HSD3B2: variants seen among roughly 807,000 people sequenced by gnomAD.
HSD3B2 encodes the protein hydroxy-delta-5-steroid dehydrogenase, 3 beta- and steroid delta-isomerase 2.
In HSD3B2, 8 loss-of-function variants were observed where a neutral mutation model predicts 9.9. The observed-to-expected ratio is 0.81, with a 90% CI of 0.47 to 1.46. The LOEUF is 1.46. HSD3B2 is among the 40% of genes most tolerant of loss of function. HSD3B2 has a pLI of 0.00. For synonymous variants in HSD3B2, 221 were observed against 184.5 expected, an observed-to-expected ratio of 1.20 and a Z score of -1.60; for missense variants, 410 against 448.3, an observed-to-expected ratio of 0.91 and a Z score of 0.77.
intron 2 of HSD3B2, 80 bp from the exon 3 acceptor site, chr1:119,419,338 C>T (rs899412050): frequency 6.7e-6 from 9 of 1,342,876 alleles, no homozygotes; most frequent in Middle Eastern, 1.8e-4. Context: ...CTTTGAGCAC[C>T]TATGTAACAT....
chr1:119,421,451 AT>A (rs1651865085), intron 3 of HSD3B2, among the ~76,000 whole-genome samples: 1 of 10,898 alleles, frequency 9.2e-5, no homozygotes, highest in African/African-American at 4.8e-4. Flanking sequence ...GTATATATAT[AT>A]GTATATATAT....
chr1:119,421,759 A>G (rs1476419247), intron 3 of HSD3B2, 50 bp from the exon 4 acceptor site: 1 of 1,604,168 alleles, frequency 6.2e-7, no homozygotes, highest in Non-Finnish European at 8.5e-7. Context: ...ATGTGGTTGC[A>G]GCTCCTTTGG....
rs1252516031 is a variant in HSD3B2 at position 119,422,242 on chromosome 1, TGTC to T, written c.742_744del (p.Val248del). ...TGCGGGACCCCAAGAAGGCCCCAAGTGTCCGAGGTCAATTCTATTACATCTCAG... is the reference window on the plus strand; with the variant it reads ...TGCGGGACCCCAAGAAGGCCCCAAGTCGAGGTCAATTCTATTACATCTCAG... On this transcript the variant is annotated inframe_deletion, in exon 4 of 4. Transcript: ENST00000369416. 2 of 1,614,104 alleles carry T rather than the reference TGTC, an allele frequency of 1.2e-6. No individual in the cohort carries two copies. Among genetic ancestry groups the T allele is most frequent in the Admixed American group, 3.3e-5 (2 of 60,026 alleles).
chr1:119,422,980 T>G lies in HSD3B2; in HGVS notation c.*360T>G. 1 of 422,570 alleles carries G rather than the reference T, an allele frequency of 2.4e-6. No individual in the cohort carries two copies. The highest frequency in any genetic ancestry group is 2.6e-5 in the South Asian group (1 of 38,780). The allele number at this position is 422,570 out of a possible 1,614,324, so 26.2% of individuals were successfully genotyped here. On this transcript the variant is annotated 3_prime_UTR_variant, in exon 4 of 4. Transcript: ENST00000369416. ...CATTTCTTTTCTCTTTAATCTCCTA[T>G]TCCTTCACACAGTTCAACATAAAGA...
Position 119,419,456 on chromosome 1 carries a change from G to A in HSD3B2, c.181G>A (p.Asp61Asn). Residue 61 changes from aspartate (D) to asparagine (N), a missense_variant, in exon 3 of 4, where the codon GAC becomes AAC. Physicochemically the swap from Asp to Asn is conservative, Grantham distance 23. Coordinates refer to ENST00000369416, the MANE Select transcript of HSD3B2 (RefSeq NM_000198.4). The part of the protein sequence containing the change: ...NRTKLTVLEG[D>N]ILDEPFLKRA... ...GACCAAGCTGACTGTACTTGAAGGA[G>A]ACATTCTGGATGAGCCATTCCTGAA... 3 of 1,613,726 alleles carry A rather than the reference G, an allele frequency of 1.9e-6. No homozygotes were observed. Among genetic ancestry groups the A allele is most frequent in the Non-Finnish European group, 2.5e-6 (3 of 1,179,786 alleles).
Position 119,422,506 on chromosome 1 carries a change from A to G in HSD3B2, c.1005A>G (p.Arg335=), listed in dbSNP as rs1250406517. 2 of 1,614,126 alleles carry G rather than the reference A, an allele frequency of 1.2e-6. No homozygotes were observed. The highest frequency in any genetic ancestry group is 1.7e-5 in the Admixed American group (1 of 60,010). Reference sequence around the variant, plus strand: ...CCTTCTCTTACAAGAAGGCTCAGCGAGATCTGGCGTATAAGCCACTCTACA... The same window carrying G: ...CCTTCTCTTACAAGAAGGCTCAGCGGGATCTGGCGTATAAGCCACTCTACA... The part of the protein sequence containing the change: ...VFTFSYKKAQ[R]DLAYKPLYSW... Residue 335 remains arginine (R), a synonymous_variant, in exon 4 of 4, where the codon CGA becomes CGG. Transcript: ENST00000369416.
intron 2 of HSD3B2, among the ~76,000 whole-genome samples, chr1:119,418,631 T>C (rs1039103715): frequency 4.3e-5 from 1 of 23,022 alleles, no homozygotes; most frequent in Non-Finnish European, 1.3e-4. Flanking sequence ...TTATTATTAC[T>C]ATTATTATTA....
At chr1:119,419,317 C>T in intron 2 of HSD3B2, 101 bp from the exon 3 acceptor site, 1 of 1,102,024 alleles carries the variant, frequency 9.1e-7, no homozygotes, top group Non-Finnish European at 1.4e-6. Flanking sequence ...CTAATACCCA[C>T]ACTCTAATCT....
chr1:119,421,563 T>A (rs1211263408), intron 3 of HSD3B2, among the ~76,000 whole-genome samples: 1 of 147,384 alleles, frequency 6.8e-6, no homozygotes, highest in East Asian at 2.0e-4. Flanking sequence ...CAAACATAGG[T>A]CCATGAAACC....
chr1:119,421,518 C>A lies in HSD3B2; in HGVS notation c.308-291C>A, dbSNP rs952241608. ...TAATATATATATATATATACACACACGTATACATACACACACACACACACA... is the reference window on the plus strand; with the variant it reads ...TAATATATATATATATATACACACAAGTATACATACACACACACACACACA... On this transcript the variant is annotated intron_variant, in intron 3 of 3. Transcript: ENST00000369416. 2.9e-5 allele frequency among the ~76,000 whole-genome samples: 4 copies of A among 139,610 alleles called. No individual in the cohort carries two copies. In the South Asian group the frequency reaches 6.7e-4, roughly 23 times the overall value. 91.6% of individuals were successfully genotyped at this position (139,610 alleles called of 152,430 possible). A position where few individuals can be genotyped will look rare whatever the true frequency, so the allele number is the denominator to read the frequency against.
chr1:119,419,307 C>A, intron 2 of HSD3B2, 111 bp from the exon 3 acceptor site: 1 of 1,002,116 alleles, frequency 1.0e-6, no homozygotes, highest in Non-Finnish European at 1.6e-6. Context: ...ACCCTCCACT[C>A]TAATACCCAC....
In HSD3B2 at chr1:119,422,790, C is replaced by A; in HGVS notation, c.*170C>A. 1.3e-6 allele frequency: 1 copy of A among 775,718 alleles called. No homozygotes were observed. Among genetic ancestry groups the A allele is most frequent in the East Asian group, 2.7e-5 (1 of 37,452 alleles). 48.1% of individuals were successfully genotyped at this position (775,718 alleles called of 1,614,324 possible). ...TTCATGTCATCAAAATCTGCACAGT[C>A]ACTGGCCCAACCAGAACTTTCTGTC... On this transcript the variant is annotated 3_prime_UTR_variant, in exon 4 of 4. Coordinates refer to ENST00000369416, the MANE Select transcript of HSD3B2 (RefSeq NM_000198.4).
Position 119,422,127 on chromosome 1 carries a change from G to A in HSD3B2, c.626G>A (p.Gly209Glu), listed in dbSNP as rs1475498706. ...ASINEALNNN[G>E]ILSSVGKFST... is the part of the protein sequence containing the mutation. ...ATAAATGAGGCCCTGAACAACAATG[G>A]GATCCTGTCAAGTGTTGGAAAGTTC... Residue 209 changes from glycine to glutamate, a missense_variant, in exon 4 of 4, where the codon GGG becomes GAG. Transcript: ENST00000369416. 1 of 1,614,066 alleles carries A rather than the reference G, an allele frequency of 6.2e-7. No individual in the cohort carries two copies.
chr1:119,420,102 C>T (rs1651820194), intron 3 of HSD3B2, among the ~76,000 whole-genome samples: 1 of 152,174 alleles, frequency 6.6e-6, no homozygotes, highest in Non-Finnish European at 1.5e-5. Flanking sequence ...TCTGTCAGGA[C>T]AGAATTATCC....
chr1:119,421,455 A>ATATATATATG (rs1557869538), intron 3 of HSD3B2, among the ~76,000 whole-genome samples: 1 of 27,642 alleles, frequency 3.6e-5, no homozygotes, highest in Admixed American at 6.7e-4. Context: ...ATATATATGT[A>ATATATATATG]TATATATATG....
intron 2 of HSD3B2, among the ~76,000 whole-genome samples, chr1:119,418,988 C>T (rs1268903679): frequency 4.6e-5 from 7 of 152,112 alleles, no homozygotes; most frequent in Admixed American, 3.9e-4. Flanking sequence ...AAGGGTTTTT[C>T]TTTGACATGG....
intron 2 of HSD3B2, among the ~76,000 whole-genome samples, chr1:119,417,679 T>C (rs1428240422): frequency 6.6e-6 from 1 of 152,202 alleles, no homozygotes; most frequent in African/African-American, 2.4e-5. Flanking sequence ...GTCCCACCTG[T>C]ATCCCAGGAA....
intron 2 of HSD3B2, 48 bp from the exon 3 acceptor site, chr1:119,419,370 C>A (rs1170036348): frequency 1.9e-6 from 3 of 1,603,906 alleles, no homozygotes; most frequent in Non-Finnish European, 1.7e-6. Flanking sequence ...GAAAACTTCC[C>A]AGCCAGATCC....
Position 119,415,615 on chromosome 1 carries a change from G to T in HSD3B2, c.142+54G>T. 1.9e-6 allele frequency: 3 copies of T among 1,593,904 alleles called. No homozygotes were observed. In the Admixed American group the frequency reaches 5.0e-5, roughly 27 times the overall value. On this transcript the variant is annotated intron_variant, in intron 2 of 3. Transcript: ENST00000369416. ...GCTCCATCTTAAACTCTGCATGGGTGTGGGGAGGTTGACCTTGTCTAGCAA... is the reference window on the plus strand; with the variant it reads ...GCTCCATCTTAAACTCTGCATGGGTTTGGGGAGGTTGACCTTGTCTAGCAA...
Sources: allele counts gnomAD v4.1 joint callset (sites outside exome capture counted in the v4.1 genomes callset), GRCh38; gene constraint gnomAD v4.1.1; transcripts MANE v1.5; gene names NCBI Gene and HGNC (gene_info 2026-07-23, HGNC 2026-07-21).